The following KLF7 variants were observed in gnomAD, a reference collection of about 807,000 sequenced individuals.
The protein encoded by KLF7 is KLF transcription factor 7.
KLF7 carries 2 observed loss-of-function variants against 27.3 expected under a neutral mutation model. The observed-to-expected ratio is 0.07, with a 90% CI of 0.03 to 0.23. The LOEUF (loss-of-function observed/expected upper bound fraction) is 0.23. Ranked by LOEUF, KLF7 falls within the 10% of genes least tolerant of loss-of-function variation. The pLI, the probability that KLF7 is intolerant of heterozygous loss-of-function variation, is 1.00. For synonymous variants in KLF7, 165 were observed against 162.4 expected (o/e 1.02, Z -0.12); for missense variants, 221 against 394.1 (o/e 0.56, Z 3.72).
intron 1 of KLF7, among the ~76,000 whole-genome samples, chr2:207,142,331 G>A: frequency 6.6e-6 from 1 of 152,212 alleles, no homozygotes; most frequent in East Asian, 1.9e-4. Context: ...TTTGAACTCT[G>A]ATGGCCTTTC....
intron 3 of KLF7, among the ~76,000 whole-genome samples, chr2:207,082,829 C>T (rs2076303987): frequency 6.6e-6 from 1 of 152,178 alleles, no homozygotes; most frequent in African/African-American, 2.4e-5. Context: ...TTTGTTCATT[C>T]TTAAAACAAA....
intron 2 of KLF7, among the ~76,000 whole-genome samples, chr2:207,099,038 T>C (rs368877033): frequency 6.6e-6 from 1 of 152,086 alleles, no homozygotes; most frequent in African/African-American, 2.4e-5. Flanking sequence ...ACTCTGAAAG[T>C]GATACCACTA....
intron 2 of KLF7, among the ~76,000 whole-genome samples, chr2:207,108,955 C>A (rs971448335): frequency 3.9e-5 from 6 of 152,322 alleles, no homozygotes; most frequent in Admixed American, 3.9e-4. Context: ...CCAAGATCCA[C>A]CCATCCATAG....
At chr2:207,082,933 C>A (rs2076308415) in intron 3 of KLF7, among the ~76,000 whole-genome samples, 1 of 152,136 alleles carries the variant, frequency 6.6e-6, no homozygotes, top group South Asian at 2.1e-4. Flanking sequence ...GGATAGAACT[C>A]CAAGGGAATG....
rs144637609 is a variant in KLF7 at position 207,081,730 on chromosome 2, C to G, written c.858-466G>C. Reference sequence around the variant, plus strand: ...ATAATAAAGAATAATTAGTCTATATCATCAAAGGGTGGAACTTTGAAATTT... The same window carrying G: ...ATAATAAAGAATAATTAGTCTATATGATCAAAGGGTGGAACTTTGAAATTT... On this transcript the variant is annotated intron_variant, in intron 3 of 3. Transcript: ENST00000309446. Among the ~76,000 whole-genome samples the G allele has an allele frequency of 5.6e-4, 85 of 151,794 alleles. 1 individual carries two copies. Among genetic ancestry groups the G allele is most frequent in the Non-Finnish European group, 1.1e-3 (73 of 68,004 alleles).
In KLF7 at chr2:207,074,988, C is replaced by G. The variant is rs1347046342; in HGVS notation, c.*6225G>C. ...ATACAACCTTTTGCTTTCCCTTTCT[C>G]CAAGAAAGAAAACTTTCACGAAGTA... On this transcript the variant is annotated 3_prime_UTR_variant, in exon 4 of 4. Transcript: ENST00000309446. 2.6e-5 allele frequency: 4 copies of G among 152,088 alleles called. No individual in the cohort carries two copies. The highest frequency in any genetic ancestry group is 5.9e-5 in the Non-Finnish European group (4 of 68,014). 9.4% of individuals were successfully genotyped at this position (152,088 alleles called of 1,614,324 possible).
intron 3 of KLF7, among the ~76,000 whole-genome samples, chr2:207,084,198 C>T (rs932556609): frequency 7.9e-5 from 12 of 152,060 alleles, no homozygotes; most frequent in Admixed American, 1.3e-4. Flanking sequence ...CCTGCCTGTC[C>T]AAGAGGAATG....
intron 2 of KLF7, among the ~76,000 whole-genome samples, chr2:207,120,510 C>T (rs559671521): frequency 6.6e-6 from 1 of 152,192 alleles, no homozygotes; most frequent in Admixed American, 6.5e-5. Flanking sequence ...GAACAAAATG[C>T]AAATACTTCT....
rs150163496 is a variant in KLF7 at position 207,123,917 on chromosome 2, C to T, written c.590G>A (p.Gly197Glu). Residue 197 changes from glycine to glutamate, a missense_variant, in exon 2 of 4, where the codon GGA becomes GAA. This residue lies in a region of KLF7 where 180 missense variants were observed against 227.9 expected (regional missense o/e 0.79). Coordinates refer to ENST00000309446, the MANE Select transcript of KLF7 (RefSeq NM_003709.4). ...CCCTCCTTGGTCACTGTCGCTCTGT[C>T]CACTCTTAACGGCCCCCGCAGCCGT... ...AVTAAGAVKS[G>E]QSDSDQGGLG... 54 of 1,613,922 alleles carry T rather than the reference C, an allele frequency of 3.3e-5. No individual in the cohort carries two copies. Among genetic ancestry groups the T allele is most frequent in the Non-Finnish European group, 4.4e-5 (52 of 1,180,044 alleles).
rs755564834 is a variant in KLF7, at chr2:207,124,118, A to G, written c.389T>C (p.Leu130Pro). 6.2e-7 allele frequency: 1 copy of G among 1,614,086 alleles called. No homozygotes were observed. The highest frequency in any genetic ancestry group is 8.5e-7 in the Non-Finnish European group (1 of 1,180,020). The change falls in exon 2 of 4, where the codon CTC (leucine) becomes CCC (proline). Residue 130 changes from leucine to proline, a missense_variant. By Grantham distance (98) the Leu-to-Pro change is moderately conservative. Around this residue, in one of 3 missense-constraint regions of KLF7, gnomAD observed 180 missense variants for 227.9 expected, o/e 0.79. Coordinates refer to ENST00000309446, the MANE Select transcript of KLF7 (RefSeq NM_003709.4). ...DSYTAVNQAQ[L>P]NAVTSLTPPS... ...GGGCGTTAATGAGGTCACTGCGTTG[A>G]GCTGGGCCTGGTTGACGGCTGTGTA... is the stretch of plus-strand genomic sequence containing the variant.
At chr2:207,142,694 A>T (rs2077977205) in intron 1 of KLF7, among the ~76,000 whole-genome samples, 1 of 152,242 alleles carries the variant, frequency 6.6e-6, no homozygotes, top group Non-Finnish European at 1.5e-5. Flanking sequence ...GAACAATGAC[A>T]TTCTAAAAAG....
In KLF7 at chr2:207,080,636, G is replaced by C. The variant is rs1481861596; in HGVS notation, c.*577C>G. ...AGGAAGTCTGACGCACGGAATAGTA[G>C]GACTTTTCACACACAAAGGACAAAT... On this transcript the variant is annotated 3_prime_UTR_variant, in exon 4 of 4. Transcript: ENST00000309446. 2.6e-6 allele frequency: 1 copy of C among 391,914 alleles called. No homozygotes were observed. Among genetic ancestry groups the C allele is most frequent in the African/African-American group, 2.1e-5 (1 of 48,424 alleles). 24.3% of individuals were successfully genotyped at this position (391,914 alleles called of 1,614,324 possible).
intron 1 of KLF7, among the ~76,000 whole-genome samples, chr2:207,136,091 G>A (rs551539809): frequency 1.3e-5 from 2 of 152,236 alleles, no homozygotes; most frequent in Admixed American, 1.3e-4. Flanking sequence ...TCTGGCCTGG[G>A]AATCAGGTTC....
chr2:207,135,349 A>C (rs2077754752), intron 1 of KLF7, among the ~76,000 whole-genome samples: 1 of 152,182 alleles, frequency 6.6e-6, no homozygotes, highest in South Asian at 2.1e-4. Context: ...ACCTGGAAGA[A>C]AGTGGTCTTT....
intron 2 of KLF7, among the ~76,000 whole-genome samples, chr2:207,118,206 A>G (rs2077240344): frequency 6.6e-6 from 1 of 152,240 alleles, no homozygotes; most frequent in Non-Finnish European, 1.5e-5. Flanking sequence ...TAGGGACAGA[A>G]TATTAACATT....
chr2:207,143,163 C>CA lies in KLF7; in HGVS notation c.103-18760dup, dbSNP rs1010141068. Among the ~76,000 whole-genome samples the CA allele has an allele frequency of 4.0e-5, 6 of 151,780 alleles. No homozygotes were observed. The South Asian group carries it at 8.3e-4, about 21-fold the overall frequency. ...CCAAAAAGATGGAAATAAATACTAT[C>CA]AAAAAAAATCTTAGCTAAAATACAA... On this transcript the variant is annotated intron_variant, in intron 1 of 3. Transcript: ENST00000309446.
At chr2:207,166,110 T>TC, upstream of KLF7, 1 of 952,756 alleles carries the variant, frequency 1.0e-6, no homozygotes, top group Non-Finnish European at 1.2e-6. Flanking sequence ...CTCTTCCCCC[T>TC]CCCCAAACTC....
chr2:207,122,139 A>G (rs2077357284), intron 2 of KLF7: 1 of 152,206 alleles, frequency 6.6e-6, no homozygotes, highest in Non-Finnish European at 1.5e-5. Context: ...CTACCTTCAG[A>G]ACAATATCAA....
At chr2:207,093,096 T>C (rs62188616) in intron 2 of KLF7, among the ~76,000 whole-genome samples, 11,939 of 152,254 alleles carry the variant, frequency 0.078, 646 homozygotes, top group Non-Finnish European at 0.12. Context: ...AAGTGACTCT[T>C]ACAGGGGGCC....
Sources: allele counts gnomAD v4.1 joint callset (sites outside exome capture counted in the v4.1 genomes callset), GRCh38; gene constraint gnomAD v4.1.1; regional missense constraint gnomAD v4.1.1; transcripts MANE v1.5; gene names NCBI Gene and HGNC (gene_info 2026-07-23, HGNC 2026-07-21).